Variants in OSBPL6 observed in about 807,000 individuals in gnomAD.
The protein encoded by OSBPL6 is oxysterol binding protein like 6.
A neutral mutation model predicts 125.8 loss-of-function variants in OSBPL6; 49 were observed. That is an observed-to-expected ratio of 0.39 (90% confidence interval 0.31 to 0.49). OSBPL6 has a LOEUF of 0.49. OSBPL6 is among the 20% of genes least tolerant of loss of function. The pLI, the probability that OSBPL6 is intolerant of heterozygous loss-of-function variation, is 0.88. For missense variants in OSBPL6, 986 were observed against 1,135.4 expected, an observed-to-expected ratio of 0.87 and a Z score of 1.89; for synonymous variants, 394 against 391.8, an observed-to-expected ratio of 1.01 and a Z score of -0.07.
At chr2:178,287,500 C>T (rs555362120) in intron 2 of OSBPL6, among the ~76,000 whole-genome samples, 18 of 152,234 alleles carry the variant, frequency 1.2e-4, no homozygotes, top group South Asian at 1.0e-3. Flanking sequence ...GAGTTGAAAT[C>T]GTGCATGAGT....
At chr2:178,239,910 A>G (rs1243786790) in intron 1 of OSBPL6, among the ~76,000 whole-genome samples, 1 of 152,046 alleles carries the variant, frequency 6.6e-6, no homozygotes, top group Non-Finnish European at 1.5e-5. Context: ...TACAGGTGTG[A>G]GCCACCGTGC....
chr2:178,368,903 T>A (rs1341901058), intron 13 of OSBPL6, among the ~76,000 whole-genome samples: 1 of 152,022 alleles, frequency 6.6e-6, no homozygotes, highest in African/African-American at 2.4e-5. Flanking sequence ...TTAAAGTGAT[T>A]CTCCTACCTC....
At chr2:178,334,212 G>C (rs146775419) in intron 8 of OSBPL6, among the ~76,000 whole-genome samples, 3 of 152,134 alleles carry the variant, frequency 2.0e-5, no homozygotes, top group Non-Finnish European at 4.4e-5. Flanking sequence ...GGGGTGCTCC[G>C]CCTTCACATT....
At chr2:178,201,535 C>T (rs977239713) in intron 1 of OSBPL6, among the ~76,000 whole-genome samples, 3 of 152,110 alleles carry the variant, frequency 2.0e-5, no homozygotes, top group African/African-American at 7.2e-5. Flanking sequence ...CCACAGCACG[C>T]GGCAAGAGAC....
intron 12 of OSBPL6, among the ~76,000 whole-genome samples, chr2:178,352,920 T>C (rs1691420840): frequency 6.6e-6 from 1 of 152,212 alleles, no homozygotes; most frequent in Admixed American, 6.5e-5. Flanking sequence ...TATTTGCTGT[T>C]CTGCAGCCTC....
intron 1 of OSBPL6, among the ~76,000 whole-genome samples, chr2:178,218,324 A>T (rs991852663): frequency 6.6e-6 from 1 of 151,922 alleles, no homozygotes; most frequent in African/African-American, 2.4e-5. Context: ...TCAGGATAAC[A>T]GTTTCTGCCT....
chr2:178,319,789 T>C (rs1241856879), intron 3 of OSBPL6, among the ~76,000 whole-genome samples: 3 of 152,198 alleles, frequency 2.0e-5, no homozygotes, highest in Non-Finnish European at 2.9e-5. Context: ...AAGAGATACA[T>C]GCGAGATAGC....
chr2:178,281,367 T>C (rs1436406482), intron 1 of OSBPL6, among the ~76,000 whole-genome samples: 1 of 152,190 alleles, frequency 6.6e-6, no homozygotes, highest in Non-Finnish European at 1.5e-5. Context: ...TGAATGGTAT[T>C]GCCTAGACTT....
intron 1 of OSBPL6, among the ~76,000 whole-genome samples, chr2:178,282,232 G>A (rs1684265492): frequency 6.6e-6 from 1 of 152,196 alleles, no homozygotes; most frequent in African/African-American, 2.4e-5. Context: ...CTTGGGCTAA[G>A]GTTTTATTTA....
chr2:178,245,900 C>T lies in OSBPL6; in HGVS notation c.-350-39027C>T, dbSNP rs1318415498. On this transcript the variant is annotated intron_variant, in intron 1 of 24. Transcript: ENST00000190611. ...TTCCATAGTACATCCTATAGGAATT[C>T]GGGGAAGGGAAAGGCTGATGTTTGT... Among the ~76,000 whole-genome samples the T allele has an allele frequency of 4.6e-5, 7 of 152,132 alleles. No individual in the cohort carries two copies. The South Asian group carries it at 6.2e-4, about 13-fold the overall frequency.
intron 13 of OSBPL6, among the ~76,000 whole-genome samples, chr2:178,369,270 T>C (rs1462918840): frequency 1.3e-5 from 2 of 152,202 alleles, no homozygotes; most frequent in African/African-American, 2.4e-5. Context: ...AAACTTTGCA[T>C]AGAATGTAAA....
intron 1 of OSBPL6, among the ~76,000 whole-genome samples, chr2:178,220,624 T>C (rs536980666): frequency 6.6e-6 from 1 of 152,360 alleles, no homozygotes; most frequent in South Asian, 2.1e-4. Flanking sequence ...AATAGTGTTC[T>C]TATTGGAATT....
intron 1 of OSBPL6, among the ~76,000 whole-genome samples, chr2:178,244,130 T>G (rs2091402941): frequency 6.6e-6 from 1 of 152,140 alleles, no homozygotes; most frequent in South Asian, 2.1e-4. Context: ...CTGCTCAAAC[T>G]CCGCTGGTCT....
At chr2:178,276,473 A>G (rs2092471835) in intron 1 of OSBPL6, among the ~76,000 whole-genome samples, 1 of 151,204 alleles carries the variant, frequency 6.6e-6, no homozygotes, top group Non-Finnish European at 1.5e-5. Context: ...GCCGGGTTCA[A>G]GTGATTCTCC....
At chr2:178,380,595 A>G (rs1694381429) in intron 15 of OSBPL6, among the ~76,000 whole-genome samples, 1 of 152,156 alleles carries the variant, frequency 6.6e-6, no homozygotes, top group Admixed American at 6.6e-5. Context: ...ACGAGAACAA[A>G]CTAATCCAGT....
In OSBPL6 at chr2:178,339,657, A is replaced by G. The variant is rs773443188; in HGVS notation, c.895-15A>G. The G allele has an allele frequency of 5.1e-6, 8 of 1,573,590 alleles. No individual in the cohort carries two copies. The highest frequency in any genetic ancestry group is 3.4e-4 in the Middle Eastern group (2 of 5,918). ...TAATAATACTTTGTTGCTTTTAACT[A>G]TTTGTGTAATGTAGGCTAACTGTGT... On this transcript the variant is annotated splice_polypyrimidine_tract_variant and intron_variant, in intron 10 of 24. Transcript: ENST00000190611.
chr2:178,323,160 A>G (rs985025710), intron 3 of OSBPL6, among the ~76,000 whole-genome samples: 6 of 152,224 alleles, frequency 3.9e-5, no homozygotes, highest in Non-Finnish European at 7.3e-5. Context: ...TAGAAAGATC[A>G]TATCTAATTT....
chr2:178,282,047 A>G (rs1684246589), intron 1 of OSBPL6, among the ~76,000 whole-genome samples: 1 of 152,216 alleles, frequency 6.6e-6, no homozygotes, highest in Non-Finnish European at 1.5e-5. Context: ...TCACACATAA[A>G]ACTGTAAGAC....
At chr2:178,307,865 G>A (rs1176574872) in intron 3 of OSBPL6, among the ~76,000 whole-genome samples, 5 of 152,124 alleles carry the variant, frequency 3.3e-5, no homozygotes, top group Non-Finnish European at 5.9e-5. Flanking sequence ...TCTATCATGC[G>A]TTGTTATTCT....
Sources: allele counts gnomAD v4.1 joint callset (sites outside exome capture counted in the v4.1 genomes callset), GRCh38; gene constraint gnomAD v4.1.1; transcripts MANE v1.5; gene names NCBI Gene and HGNC (gene_info 2026-07-23, HGNC 2026-07-21).